LHFPL3: variants seen among roughly 807,000 people sequenced by gnomAD.
LHFPL3 encodes the protein LHFPL tetraspan subfamily member 3 protein.
Under a neutral mutation model 19.3 loss-of-function variants are expected in LHFPL3, and 5 were observed. That is an observed-to-expected ratio of 0.26 (90% CI 0.14 to 0.54). The LOEUF is 0.54. Among genes scored for constraint, LHFPL3 ranks in the 20% least tolerant of loss-of-function variants. The probability of loss-of-function intolerance (pLI) is 0.94; values close to 1 mark genes in which losing one functional copy is unlikely to be tolerated. For synonymous variants in LHFPL3, 133 were observed against 126.2 expected (o/e 1.05, Z -0.36); for missense variants, 249 against 307.4 (o/e 0.81, Z 1.42).
intron 1 of LHFPL3, among the ~76,000 whole-genome samples, chr7:104,418,065 AG>A (rs1218620001): frequency 6.6e-6 from 1 of 151,724 alleles, no homozygotes; most frequent in Admixed American, 6.6e-5. Flanking sequence ...TAGTAGAGAC[AG>A]GGTTTCACCA....
chr7:104,867,248 G>C (rs945165811), intron 2 of LHFPL3, among the ~76,000 whole-genome samples: 1 of 152,206 alleles, frequency 6.6e-6, no homozygotes, highest in African/African-American at 2.4e-5. Flanking sequence ...CAAGGAGATA[G>C]AGACACAAAA....
At chr7:104,872,009 AT>A (rs1345564815) in intron 2 of LHFPL3, among the ~76,000 whole-genome samples, 9 of 150,022 alleles carry the variant, frequency 6.0e-5, no homozygotes, top group South Asian at 2.1e-4. Context: ...CTCTATTAAA[AT>A]TTTTTTTTCA....
At chr7:104,424,338 C>G (rs548571117) in intron 1 of LHFPL3, among the ~76,000 whole-genome samples, 2 of 152,162 alleles carry the variant, frequency 1.3e-5, no homozygotes, top group African/African-American at 4.8e-5. Flanking sequence ...AGAAGTGCGG[C>G]TGTACGAAGG....
At chr7:104,331,539 A>G (rs1483409659) in intron 1 of LHFPL3, among the ~76,000 whole-genome samples, 1 of 28,942 alleles carries the variant, frequency 3.5e-5, no homozygotes, top group Non-Finnish European at 5.3e-5. Context: ...AAGGAATAAC[A>G]TAGAAGATAT....
At chr7:104,638,965 A>T (rs1791781314) in intron 1 of LHFPL3, among the ~76,000 whole-genome samples, 1 of 151,226 alleles carries the variant, frequency 6.6e-6, no homozygotes, top group African/African-American at 2.4e-5. Flanking sequence ...GGGTTTCATT[A>T]TGTTGCCCAG....
intron 2 of LHFPL3, among the ~76,000 whole-genome samples, chr7:104,812,796 T>A: frequency 1.6e-5 from 1 of 64,410 alleles, no homozygotes. Context: ...AGAGCAAGAC[T>A]CCATCTCAAA....
chr7:104,628,946 A>G (rs1433930874), intron 1 of LHFPL3, among the ~76,000 whole-genome samples: 1 of 152,236 alleles, frequency 6.6e-6, no homozygotes, highest in Non-Finnish European at 1.5e-5. Context: ...TTGCCTCAGC[A>G]CTGGTCCTAT....
At chr7:104,572,773 G>A (rs1352989343) in intron 1 of LHFPL3, among the ~76,000 whole-genome samples, 2 of 152,014 alleles carry the variant, frequency 1.3e-5, no homozygotes, top group East Asian at 3.9e-4. Context: ...GCATTTTAGG[G>A]TCCACATTGA....
chr7:104,596,084 C>T (rs1054181815), intron 1 of LHFPL3, among the ~76,000 whole-genome samples: 3 of 152,228 alleles, frequency 2.0e-5, no homozygotes, highest in African/African-American at 7.2e-5. Context: ...CCAATCAGTC[C>T]CAGTGAGATG....
chr7:104,723,463 T>C (rs1463150235), intron 1 of LHFPL3, among the ~76,000 whole-genome samples: 1 of 152,154 alleles, frequency 6.6e-6, no homozygotes, highest in East Asian at 1.9e-4. Context: ...GGCTCACGCC[T>C]GTAATCCCAG....
intron 1 of LHFPL3, among the ~76,000 whole-genome samples, chr7:104,383,365 A>G (rs1453909274): frequency 6.6e-6 from 1 of 152,210 alleles, no homozygotes; most frequent in Non-Finnish European, 1.5e-5. Flanking sequence ...CTGCTTAAAC[A>G]TAGGCTGACC....
At chr7:104,693,831 C>A (rs1198974639) in intron 1 of LHFPL3, among the ~76,000 whole-genome samples, 2 of 145,718 alleles carry the variant, frequency 1.4e-5, no homozygotes, top group East Asian at 4.1e-4. Flanking sequence ...TGGGGTTTCA[C>A]CATGTTAGCC....
rs184064495 is a variant in LHFPL3, at chr7:104,574,560, A to G, written c.446-162115A>G. Reference sequence around the variant, plus strand: ...CCTATTGGAGTCTTTAGGGGAGAGGAAAGAGGAACTAGAGAGATGTCCTCT... The same window carrying G: ...CCTATTGGAGTCTTTAGGGGAGAGGGAAGAGGAACTAGAGAGATGTCCTCT... On this transcript the variant is annotated intron_variant, in intron 1 of 2. Transcript: ENST00000424859. Among the ~76,000 whole-genome samples the G allele has an allele frequency of 1.2e-4, 18 of 152,342 alleles. No homozygotes were observed. In the East Asian group the frequency reaches 3.5e-3, roughly 29 times the overall value.
At chr7:104,393,025 C>G (rs987378267) in intron 1 of LHFPL3, among the ~76,000 whole-genome samples, 14 of 152,122 alleles carry the variant, frequency 9.2e-5, no homozygotes, top group African/African-American at 3.4e-4. Flanking sequence ...ACAGAGATTT[C>G]TTCAAGAAAG....
At chr7:104,432,085 G>A (rs182626333) in intron 1 of LHFPL3, among the ~76,000 whole-genome samples, 48 of 152,320 alleles carry the variant, frequency 3.2e-4, no homozygotes, top group East Asian at 1.2e-3. Context: ...GTGGAGACTA[G>A]CGTGAAGTTT....
rs1019307404 is a variant in LHFPL3, at chr7:104,748,775, G to A, written c.682+11864G>A. ...TCCATATGCTGAACGCTGGTTCCCC[G>A]GGTCCCCTTATTTCTTTCTCTATAC... On this transcript the variant is annotated intron_variant, in intron 2 of 2. Coordinates refer to ENST00000424859, the MANE Select transcript of LHFPL3 (RefSeq NM_199000.3). Among the ~76,000 whole-genome samples the A allele has an allele frequency of 1.6e-3, 244 of 152,154 alleles. 2 individuals carry two copies. The highest frequency in any genetic ancestry group is 3.3e-3 in the South Asian group (16 of 4,810).
intron 2 of LHFPL3, among the ~76,000 whole-genome samples, chr7:104,870,066 G>A: frequency 6.8e-6 from 1 of 147,610 alleles, no homozygotes; most frequent in African/African-American, 2.5e-5. Flanking sequence ...ACAGGAAGGG[G>A]AACATCACAC....
intron 2 of LHFPL3, among the ~76,000 whole-genome samples, chr7:104,881,746 T>C (rs1272020456): frequency 1.3e-5 from 2 of 152,284 alleles, no homozygotes; most frequent in Admixed American, 6.5e-5. Context: ...GTGACTAAAA[T>C]GCTATCAAAC....
chr7:104,667,291 CATGCA>C (rs1444782062), intron 1 of LHFPL3, among the ~76,000 whole-genome samples: 1 of 151,064 alleles, frequency 6.6e-6, no homozygotes, highest in African/African-American at 2.5e-5. Flanking sequence ...AATTGGCTTA[CATGCA>C]ACCTGTTAAA....
Sources: allele counts gnomAD v4.1 joint callset (sites outside exome capture counted in the v4.1 genomes callset), GRCh38; gene constraint gnomAD v4.1.1; transcripts MANE v1.5; gene names NCBI Gene and HGNC (gene_info 2026-07-23, HGNC 2026-07-21).